The following TENM3 variants were observed in gnomAD, a reference collection of about 807,000 sequenced individuals.
The protein encoded by TENM3 is teneurin transmembrane protein 3, also known as teneurin-3.
TENM3 carries 63 observed loss-of-function variants against 255.1 expected under a neutral mutation model. The ratio of observed to expected loss-of-function variants is 0.25; its 90% confidence interval spans 0.20 to 0.30. TENM3 has a LOEUF of 0.30. Ranked by LOEUF, TENM3 falls within the 10% of genes least tolerant of loss-of-function variation. The pLI is 1.00. For synonymous variants in TENM3, 1,306 were observed against 1,322.3 expected, an observed-to-expected ratio of 0.99 and a Z score of 0.27; for missense variants, 2,929 against 3,461.1, an observed-to-expected ratio of 0.85 and a Z score of 3.86.
chr4:182,697,574 C>G (rs1337469049), intron 12 of TENM3, among the ~76,000 whole-genome samples: 2 of 152,080 alleles, frequency 1.3e-5, no homozygotes, highest in Non-Finnish European at 2.9e-5. Flanking sequence ...CTGAGAGAGT[C>G]ATGGAAAGCC....
At chr4:182,594,282 G>C (rs906705610) in intron 3 of TENM3, among the ~76,000 whole-genome samples, 2 of 152,138 alleles carry the variant, frequency 1.3e-5, no homozygotes, top group African/African-American at 4.8e-5. Context: ...TAGGATTACA[G>C]GCGTGAACCA....
chr4:181,572,782 A>C, the TENM3 span, among the ~76,000 whole-genome samples: 1 of 152,176 alleles, frequency 6.6e-6, no homozygotes, highest in South Asian at 2.1e-4. Context: ...ATATATAATA[A>C]ATTATTGTTG....
chr4:182,661,999 AC>A (rs1363495388), intron 6 of TENM3, among the ~76,000 whole-genome samples: 1 of 152,164 alleles, frequency 6.6e-6, no homozygotes, highest in Non-Finnish European at 1.5e-5. Flanking sequence ...TAGTTTTCAA[AC>A]AGATACCAAA....
the TENM3 span, among the ~76,000 whole-genome samples, chr4:181,448,154 ATTTTTTTTTTT>A: frequency 5.5e-4 from 50 of 90,122 alleles, 1 homozygote; most frequent in East Asian, 5.7e-3. Context: ...AAATCCAGTA[ATTTTTTTTTTT>A]TTTTTTTTTT....
chr4:181,857,586 CA>C, the TENM3 span, among the ~76,000 whole-genome samples: 1,436 of 114,794 alleles, frequency 0.013, 21 homozygotes, highest in African/African-American at 0.026. Context: ...CAAAACAAAA[CA>C]AAAAAAAAAA....
chr4:181,504,372 C>T, the TENM3 span, among the ~76,000 whole-genome samples: 2 of 152,150 alleles, frequency 1.3e-5, no homozygotes, highest in Admixed American at 6.5e-5. Context: ...TAATGTAGCT[C>T]CCAAGAGCAG....
At chr4:181,492,759 C>T in the TENM3 span, among the ~76,000 whole-genome samples, 1 of 152,128 alleles carries the variant, frequency 6.6e-6, no homozygotes, top group African/African-American at 2.4e-5. Flanking sequence ...TCTTTCTCAA[C>T]TCACTCTTCC....
chr4:182,284,364 T>G (rs1350608653), intron 1 of TENM3, among the ~76,000 whole-genome samples: 1 of 152,216 alleles, frequency 6.6e-6, no homozygotes. Flanking sequence ...AAAGTTATTA[T>G]AATTTTGGTT....
intron 1 of TENM3, among the ~76,000 whole-genome samples, chr4:182,211,127 C>A (rs1265352371): frequency 6.6e-6 from 1 of 152,216 alleles, no homozygotes; most frequent in Non-Finnish European, 1.5e-5. Context: ...AGCAGCATTA[C>A]TCCCCTTAAG....
At chr4:181,948,720 A>G in the TENM3 span, among the ~76,000 whole-genome samples, 5 of 152,216 alleles carry the variant, frequency 3.3e-5, no homozygotes, top group African/African-American at 9.6e-5. Context: ...CTGGCCGGAA[A>G]ATTATGAAAG....
chr4:181,809,768 G>C, the TENM3 span, among the ~76,000 whole-genome samples: 159 of 152,052 alleles, frequency 1.0e-3, 1 homozygote, highest in Middle Eastern at 3.4e-3. Context: ...TAATCACAAG[G>C]GTCCTTATAA....
intron 1 of TENM3, among the ~76,000 whole-genome samples, chr4:182,293,014 C>T (rs943889684): frequency 7.2e-5 from 11 of 152,236 alleles, no homozygotes; most frequent in Admixed American, 5.9e-4. Context: ...CATGAACACA[C>T]TCTAGCTGCC....
chr4:181,542,055 C>T, the TENM3 span, among the ~76,000 whole-genome samples: 1 of 152,086 alleles, frequency 6.6e-6, no homozygotes, highest in Admixed American at 6.5e-5. Flanking sequence ...GTCTTATGAA[C>T]CCCTCCCTCC....
the TENM3 span, among the ~76,000 whole-genome samples, chr4:182,084,296 C>A: frequency 2.0e-5 from 3 of 152,140 alleles, no homozygotes; most frequent in East Asian, 5.8e-4. Flanking sequence ...GCTTTGAGTG[C>A]TTGACTGTAC....
chr4:181,846,194 C>A, the TENM3 span, among the ~76,000 whole-genome samples: 41,253 of 151,832 alleles, frequency 0.27, 5,797 homozygotes, highest in Middle Eastern at 0.31. Context: ...GTCTAAAATT[C>A]ATAAGTCATT....
the TENM3 span, among the ~76,000 whole-genome samples, chr4:181,816,492 G>T: frequency 1.3e-5 from 2 of 152,008 alleles, no homozygotes; most frequent in Non-Finnish European, 2.9e-5. Flanking sequence ...CCTTTCGTCA[G>T]GTTATTATAA....
At chr4:182,172,169 A>G (rs529772382) in intron 1 of TENM3, among the ~76,000 whole-genome samples, 191 of 152,208 alleles carry the variant, frequency 1.3e-3, no homozygotes, top group African/African-American at 4.3e-3. Context: ...ATATCATTTC[A>G]GTTTTTATAA....
intron 3 of TENM3, among the ~76,000 whole-genome samples, chr4:182,373,710 C>T (rs529411643): frequency 2.6e-5 from 4 of 152,204 alleles, no homozygotes; most frequent in Admixed American, 1.3e-4. Context: ...GACAAATATC[C>T]GAACTATATC....
intron 1 of TENM3, among the ~76,000 whole-genome samples, chr4:182,174,502 TCACACACACA>T (rs71605053): frequency 7.3e-6 from 1 of 137,630 alleles, no homozygotes; most frequent in East Asian, 2.1e-4. Context: ...AGCTACTAAT[TCACACACACA>T]CACACACACA....
Sources: gnomAD v4.1 joint callset for allele counts (sites outside exome capture counted in the v4.1 genomes callset) on GRCh38, gnomAD v4.1.1 for gene constraint, MANE v1.5 for transcripts, NCBI Gene and HGNC (gene_info 2026-07-23, HGNC 2026-07-21) for gene names.